TMED5: variants seen among roughly 807,000 people sequenced by gnomAD.
The protein encoded by TMED5 is transmembrane p24 trafficking protein 5.
A neutral mutation model predicts 23.0 loss-of-function variants in TMED5; 27 were observed. The ratio of observed to expected loss-of-function variants is 1.17; its 90% confidence interval spans 0.86 to 1.62. The LOEUF (loss-of-function observed/expected upper bound fraction) is 1.62. TMED5 is among the 40% of genes most tolerant of loss of function. The pLI is 0.00. For synonymous variants in TMED5, 97 were observed against 100.8 expected, an observed-to-expected ratio of 0.96 and a Z score of 0.23; for missense variants, 248 against 273.7, an observed-to-expected ratio of 0.91 and a Z score of 0.66.
In TMED5 at chr1:93,154,847, C is replaced by A. The variant is rs771569115; in HGVS notation, c.513G>T (p.Gly171=). Residue 171 remains glycine (G), a synonymous_variant, in exon 4 of 4, where the codon GGG becomes GGT. Transcript: ENST00000370282. The part of the protein sequence containing the change: ...NSIKSRLSKS[G]HIQTLLRAFE... ...ATGCTCTAAGCAGAGTTTGTATGTG[C>A]CCACTTTTGCTTAGTCTGGACTTGA... 2 of 1,613,698 alleles carry A rather than the reference C, an allele frequency of 1.2e-6. No individual in the cohort carries two copies. The highest frequency in any genetic ancestry group is 1.7e-6 in the Non-Finnish European group (2 of 1,179,658).
Position 93,180,374 on chromosome 1 carries a change from G to A in TMED5, c.-132C>T, listed in dbSNP as rs976174221. The A allele has an allele frequency of 1.6e-5, 21 of 1,287,158 alleles. No individual in the cohort carries two copies. Among genetic ancestry groups the A allele is most frequent in the African/African-American group, 6.2e-5 (4 of 64,862 alleles). 79.7% of individuals were successfully genotyped at this position (1,287,158 alleles called of 1,614,324 possible). On this transcript the variant is annotated 5_prime_UTR_variant, in exon 1 of 4. Transcript: ENST00000370282. The stretch of plus-strand genomic sequence containing the variant: ...AGAAACTCCAGGTGGCGGCCGCGGC[G>A]GCGGCGAACACTCCCTCCGAAAGAG...
At chr1:93,156,598 C>G in intron 2 of TMED5, 115 bp from the exon 3 acceptor site, 1 of 779,390 alleles carries the variant, frequency 1.3e-6, no homozygotes, top group Admixed American at 2.5e-5. Context: ...CACCTGTAAT[C>G]CCAGCATTTT....
intron 1 of TMED5, among the ~76,000 whole-genome samples, chr1:93,175,175 T>TTTTATATATATATATA (rs1553160148): frequency 8.3e-6 from 1 of 119,870 alleles, no homozygotes; most frequent in African/African-American, 4.0e-5. Context: ...TAAAAGCCAT[T>TTTTATATATATATATA]TATATATATA....
At chr1:93,166,722 C>T (rs909219396) in intron 1 of TMED5, among the ~76,000 whole-genome samples, 6 of 152,174 alleles carry the variant, frequency 3.9e-5, no homozygotes, top group South Asian at 4.1e-4. Flanking sequence ...TGGCTCTTCC[C>T]GTTGTTAACT....
rs905802159 is a variant in TMED5 at position 93,154,622 on chromosome 1, G to A, written c.*48C>T. ...ATGGTCTTGACTGTAACAGTTTATTGCATTTTTATGCCTCATTTTTCAATG... is the reference window on the plus strand; with the variant it reads ...ATGGTCTTGACTGTAACAGTTTATTACATTTTTATGCCTCATTTTTCAATG... On this transcript the variant is annotated 3_prime_UTR_variant, in exon 4 of 4. Transcript: ENST00000370282. 7.4e-7 allele frequency: 1 copy of A among 1,349,700 alleles called. No individual in the cohort carries two copies. Among genetic ancestry groups the A allele is most frequent in the Non-Finnish European group, 1.0e-6 (1 of 954,658 alleles). 83.6% of individuals were successfully genotyped at this position (1,349,700 alleles called of 1,614,324 possible).
At chr1:93,179,926 T>G in intron 1 of TMED5, 128 bp downstream of exon 1, 1 of 1,032,258 alleles carries the variant, frequency 9.7e-7, no homozygotes, top group Non-Finnish European at 1.4e-6. Flanking sequence ...CGGAGCGGGC[T>G]GGCTTCCTGA....
chr1:93,154,285 T>A lies in TMED5; in HGVS notation c.*385A>T, dbSNP rs977864378. 5.9e-6 allele frequency: 1 copy of A among 168,702 alleles called. No homozygotes were observed. Among genetic ancestry groups the A allele is most frequent in the Non-Finnish European group, 1.3e-5 (1 of 79,372 alleles). 10.5% of individuals were successfully genotyped at this position (168,702 alleles called of 1,614,324 possible). Reference sequence around the variant, plus strand: ...ACTGAAAACTTCCACAGTTAATTTGTAACTGCCGCATTTACAAAAAAGTTC... The same window carrying A: ...ACTGAAAACTTCCACAGTTAATTTGAAACTGCCGCATTTACAAAAAAGTTC... On this transcript the variant is annotated 3_prime_UTR_variant, in exon 4 of 4. Coordinates refer to ENST00000370282, the MANE Select transcript of TMED5 (RefSeq NM_016040.5).
At chr1:93,171,460 A>G (rs563147954) in intron 1 of TMED5, among the ~76,000 whole-genome samples, 1 of 152,372 alleles carries the variant, frequency 6.6e-6, no homozygotes, top group South Asian at 2.1e-4. Context: ...TTGAAAACTT[A>G]GATGAAACAG....
chr1:93,175,507 G>C (rs1346606249), intron 1 of TMED5, among the ~76,000 whole-genome samples: 1 of 150,728 alleles, frequency 6.6e-6, no homozygotes, highest in African/African-American at 2.4e-5. Flanking sequence ...ATACTCAAAA[G>C]ACATTTTTTC....
intron 1 of TMED5, chr1:93,161,870 C>T (rs1377872380): frequency 1.3e-5 from 2 of 152,156 alleles, no homozygotes; most frequent in African/African-American, 4.8e-5. Context: ...CTGGTCCTAA[C>T]AATGTTATTA....
intron 1 of TMED5, among the ~76,000 whole-genome samples, chr1:93,179,325 G>A (rs1054535550): frequency 7.1e-6 from 1 of 141,744 alleles, no homozygotes; most frequent in Non-Finnish European, 1.5e-5. Context: ...TAGCGCCACT[G>A]CACTCCAACT....
chr1:93,158,391 CAAT>C (rs1557572589), intron 2 of TMED5, among the ~76,000 whole-genome samples: 1 of 152,106 alleles, frequency 6.6e-6, no homozygotes, highest in Non-Finnish European at 1.5e-5. Flanking sequence ...ATTATAAACT[CAAT>C]TATTTTCTCC....
chr1:93,161,772 T>C (rs1648284103), intron 1 of TMED5: 1 of 152,222 alleles, frequency 6.6e-6, no homozygotes, highest in Admixed American at 6.5e-5. Flanking sequence ...AACTTGTAGG[T>C]ACCTTTATGG....
chr1:93,170,023 G>C (rs543908122), intron 1 of TMED5, among the ~76,000 whole-genome samples: 1 of 152,224 alleles, frequency 6.6e-6, no homozygotes, highest in African/African-American at 2.4e-5. Context: ...AGGTATGATC[G>C]TGCCACTGAA....
At chr1:93,177,870 T>C (rs1648975401) in intron 1 of TMED5, among the ~76,000 whole-genome samples, 1 of 152,166 alleles carries the variant, frequency 6.6e-6, no homozygotes, top group Non-Finnish European at 1.5e-5. Context: ...ACATAAGTTT[T>C]AAGTAGGCAG....
At position 93,154,111 on chromosome 1, in the gene TMED5, A is replaced by G. The variant is rs542334895; in HGVS notation, c.*559T>C. 4 of 152,784 alleles carry G rather than the reference A, an allele frequency of 2.6e-5. No homozygotes were observed. Among genetic ancestry groups the G allele is most frequent in the African/African-American group, 9.6e-5 (4 of 41,460 alleles). 9.5% of individuals were successfully genotyped at this position (152,784 alleles called of 1,614,324 possible). A position where few individuals can be genotyped will look rare whatever the true frequency, so the allele number is the denominator to read the frequency against. Reference sequence around the variant, plus strand: ...CACTGAAATGTATTTGGTTATAAAAATCTCAAAAACCTAATTGTATTTCAA... The same window carrying G: ...CACTGAAATGTATTTGGTTATAAAAGTCTCAAAAACCTAATTGTATTTCAA... On this transcript the variant is annotated 3_prime_UTR_variant, in exon 4 of 4. Transcript: ENST00000370282.
chr1:93,152,971 C>T lies in TMED5; in HGVS notation c.*1699G>A, dbSNP rs1408566177. 1.3e-5 allele frequency: 2 copies of T among 152,500 alleles called. No individual in the cohort carries two copies. Among genetic ancestry groups the T allele is most frequent in the East Asian group, 1.9e-4 (1 of 5,194 alleles). 9.4% of individuals were successfully genotyped at this position (152,500 alleles called of 1,614,324 possible). A position where few individuals can be genotyped will look rare whatever the true frequency, so the allele number is the denominator to read the frequency against. ...TGCCAGTAGGGAAATCTAAGCTGCT[C>T]TTCTCCCAGGGGCCTAAGAGGGAAA... On this transcript the variant is annotated 3_prime_UTR_variant, in exon 4 of 4. Coordinates refer to ENST00000370282, the MANE Select transcript of TMED5 (RefSeq NM_016040.5).
At chr1:93,179,088 A>G (rs976393576) in intron 1 of TMED5, among the ~76,000 whole-genome samples, 1 of 152,204 alleles carries the variant, frequency 6.6e-6, no homozygotes, top group African/African-American at 2.4e-5. Flanking sequence ...CATGCTAGGC[A>G]TGGTGGCTCA....
At position 93,154,789 on chromosome 1, in the gene TMED5, T is replaced by C. The variant is rs1205422835; in HGVS notation, c.571A>G (p.Asn191Asp). 1.9e-6 allele frequency: 3 copies of C among 1,614,118 alleles called. No individual in the cohort carries two copies. The highest frequency in any genetic ancestry group is 3.3e-5 in the Admixed American group (2 of 60,026). ...GACCAGAAATTGACTCTATCAAAGT[T>C]GCTTTCTTGTATGTTTCGATCACGA... ...EARDRNIQES[N>D]FDRVNFWSMV... Residue 191 changes from asparagine (N) to aspartate (D), a missense_variant, in exon 4 of 4, where the codon AAC (asparagine) becomes GAC (aspartate). Asn to Asp is a conservative substitution (Grantham distance 23, BLOSUM62 1). Coordinates refer to ENST00000370282, the MANE Select transcript of TMED5 (RefSeq NM_016040.5).
Sources: allele counts gnomAD v4.1 joint callset (sites outside exome capture counted in the v4.1 genomes callset), GRCh38; gene constraint gnomAD v4.1.1; transcripts MANE v1.5; gene names NCBI Gene and HGNC (gene_info 2026-07-23, HGNC 2026-07-21).